The following DCP2 variants were observed in gnomAD, a reference collection of about 807,000 sequenced individuals.
The protein encoded by DCP2 is decapping mRNA 2.
In DCP2, 30 loss-of-function variants were observed where a neutral mutation model predicts 56.1. The observed-to-expected ratio is 0.53, with a 90% CI of 0.40 to 0.73. The LOEUF is 0.73. DCP2 is among the 30% of genes least tolerant of loss of function. The pLI, the probability that DCP2 is intolerant of heterozygous loss-of-function variation, is 0.00. For synonymous variants in DCP2, 197 were observed against 163.3 expected (o/e 1.21, Z -1.57); for missense variants, 533 against 502.7 (o/e 1.06, Z -0.58).
Position 113,021,423 on chromosome 5 carries a change from G to C in DCP2, c.*7939G>C, listed in dbSNP as rs1020426566. Among the ~76,000 whole-genome samples, 2 of 146,916 alleles carry C rather than the reference G, an allele frequency of 1.4e-5. No homozygotes were observed. The highest frequency in any genetic ancestry group is 3.0e-5 in the Non-Finnish European group (2 of 66,932). On this transcript the variant is annotated 3_prime_UTR_variant, in exon 11 of 11. Transcript: ENST00000389063. The stretch of plus-strand genomic sequence containing the variant: ...AAAAAAACCCCCAGGAAGAAATATT[G>C]TCGAGAGTCTCTGCAAAAATGAAAA...
rs146747334 is a variant in DCP2, at chr5:112,986,842, G to C, written c.205+856G>C. On this transcript the variant is annotated intron_variant, in intron 2 of 10. Coordinates refer to ENST00000389063, the MANE Select transcript of DCP2 (RefSeq NM_152624.6). The stretch of plus-strand genomic sequence containing the variant: ...TGGCGAAACCTCATCTCTACCAAAA[G>C]TACAAAAACAGTTACCTGGGCATGG... Among the ~76,000 whole-genome samples the C allele has an allele frequency of 2.6e-4, 40 of 152,090 alleles. No individual in the cohort carries two copies. The East Asian group carries it at 5.8e-3, about 22-fold the overall frequency.
rs1396098435 is a variant in DCP2 at position 113,012,186 on chromosome 5, C to G, written c.1100-1135C>G. Among the ~76,000 whole-genome samples the G allele has an allele frequency of 2.6e-5, 4 of 152,122 alleles. No homozygotes were observed. In the South Asian group the frequency reaches 6.2e-4, roughly 24 times the overall value. On this transcript the variant is annotated intron_variant, in intron 10 of 10. Transcript: ENST00000389063. ...TGCCAGCCTGGGCAACATAGCAAGACTCTTGTCTCTACAAAAATTAAAAAT... is the reference window on the plus strand; with the variant it reads ...TGCCAGCCTGGGCAACATAGCAAGAGTCTTGTCTCTACAAAAATTAAAAAT...
Position 113,013,997 on chromosome 5 carries a change from GCT to G in DCP2, c.*518_*519del, listed in dbSNP as rs1749785079. 6.6e-6 allele frequency: 1 copy of G among 152,408 alleles called. No individual in the cohort carries two copies. The highest frequency in any genetic ancestry group is 2.4e-5 in the African/African-American group (1 of 41,456). The allele number at this position is 152,408 out of a possible 1,614,324, so 9.4% of individuals were successfully genotyped here. A position where few individuals can be genotyped will look rare whatever the true frequency, so the allele number is the denominator to read the frequency against. On this transcript the variant is annotated 3_prime_UTR_variant, in exon 11 of 11. Transcript: ENST00000389063. ...CTTCTCTCTGCTTCTAACCACTGAGGCTCTCTAATCTTCCTCTGGAGTTTTAG... is the reference window on the plus strand; with the variant it reads ...CTTCTCTCTGCTTCTAACCACTGAGGCTCTAATCTTCCTCTGGAGTTTTAG...
intron 1 of DCP2, chr5:112,984,693 A>ATATATATATATATATATATAT (rs1267092599): frequency 2.0e-4 from 15 of 75,652 alleles, no homozygotes; most frequent in African/African-American, 1.0e-3. Context: ...AATTAAAAAA[A>ATATATATATATATATATATAT]AAAAAAAAAA....
At chr5:113,007,483 C>T (rs1580831278) in intron 8 of DCP2, among the ~76,000 whole-genome samples, 1 of 151,744 alleles carries the variant, frequency 6.6e-6, no homozygotes, top group Admixed American at 6.6e-5. Context: ...TGACTGCAAC[C>T]TCCACCTCCT....
rs1189492168 is a variant in DCP2, at chr5:113,020,616, T to A, written c.*7132T>A. The A allele has an allele frequency of 6.6e-6, 1 of 152,240 alleles. No individual in the cohort carries two copies. The highest frequency in any genetic ancestry group is 1.5e-5 in the Non-Finnish European group (1 of 68,040). The allele number at this position is 152,240 out of a possible 1,614,324, so 9.4% of individuals were successfully genotyped here. A position where few individuals can be genotyped will look rare whatever the true frequency, so the allele number is the denominator to read the frequency against. On this transcript the variant is annotated 3_prime_UTR_variant, in exon 11 of 11. Coordinates refer to ENST00000389063, the MANE Select transcript of DCP2 (RefSeq NM_152624.6). ...ACGAAAGGATAAAGACTACCTGTATTGTTGGGTATGACTATCAAAGGATTT... is the reference window on the plus strand; with the variant it reads ...ACGAAAGGATAAAGACTACCTGTATAGTTGGGTATGACTATCAAAGGATTT...
chr5:112,978,160 A>G (rs1747811175), intron 1 of DCP2, among the ~76,000 whole-genome samples: 1 of 152,040 alleles, frequency 6.6e-6, no homozygotes, highest in Non-Finnish European at 1.5e-5. Flanking sequence ...TATTTTTAGT[A>G]GAGACGGGAT....
At chr5:112,999,088 CT>C (rs927062539) in intron 4 of DCP2, among the ~76,000 whole-genome samples, 1 of 152,168 alleles carries the variant, frequency 6.6e-6, no homozygotes, top group Non-Finnish European at 1.5e-5. Flanking sequence ...TTCTTCAGTA[CT>C]TTCTTTTATT....
intron 1 of DCP2, among the ~76,000 whole-genome samples, chr5:112,978,185 C>G (rs961616303): frequency 3.3e-5 from 5 of 152,120 alleles, no homozygotes; most frequent in South Asian, 2.1e-4. Flanking sequence ...CCATCTTGGC[C>G]GTGCTGGTCT....
chr5:112,980,330 TTGC>T (rs950707585), intron 1 of DCP2, among the ~76,000 whole-genome samples: 4 of 152,240 alleles, frequency 2.6e-5, no homozygotes, highest in Non-Finnish European at 5.9e-5. Flanking sequence ...GCAACTAGTG[TTGC>T]TGCTATTTTG....
intron 10 of DCP2, among the ~76,000 whole-genome samples, chr5:113,013,039 A>C (rs1749742810): frequency 1.3e-5 from 2 of 152,220 alleles, no homozygotes; most frequent in Admixed American, 1.3e-4. Context: ...AAGCACATAC[A>C]GGAGGTAAAG....
intron 4 of DCP2, among the ~76,000 whole-genome samples, chr5:112,999,838 A>G (rs1749056884): frequency 1.3e-5 from 2 of 151,342 alleles, no homozygotes; most frequent in Non-Finnish European, 2.9e-5. Context: ...AGGCGGGTGG[A>G]TCACCTGAGG....
In DCP2 at chr5:113,019,584, G is replaced by C. The variant is rs935119785; in HGVS notation, c.*6100G>C. ...CACTTTAGAGTTAGGACAGGAGACAGCTAACCTGACTTCCATTTTACAAAT... is the reference window on the plus strand; with the variant it reads ...CACTTTAGAGTTAGGACAGGAGACACCTAACCTGACTTCCATTTTACAAAT... On this transcript the variant is annotated 3_prime_UTR_variant, in exon 11 of 11. Coordinates refer to ENST00000389063, the MANE Select transcript of DCP2 (RefSeq NM_152624.6). 6.6e-6 allele frequency: 1 copy of C among 152,178 alleles called. No individual in the cohort carries two copies. The highest frequency in any genetic ancestry group is 2.4e-5 in the African/African-American group (1 of 41,438). 9.4% of individuals were successfully genotyped at this position (152,178 alleles called of 1,614,324 possible).
chr5:112,990,793 A>G (rs535746857), intron 2 of DCP2, among the ~76,000 whole-genome samples: 6 of 139,518 alleles, frequency 4.3e-5, no homozygotes, highest in East Asian at 3.9e-4. Context: ...CTGAGGACCT[A>G]TTTCATTTGT....
chr5:113,001,732 T>A, intron 7 of DCP2, 58 bp downstream of exon 7: 1 of 1,500,610 alleles, frequency 6.7e-7, no homozygotes, highest in Non-Finnish European at 9.3e-7. Context: ...AGTGGAATAA[T>A]AGTATTTTGC....
chr5:112,993,897 A>G (rs972155379), intron 4 of DCP2, among the ~76,000 whole-genome samples: 2 of 151,884 alleles, frequency 1.3e-5, no homozygotes, highest in African/African-American at 4.8e-5. Context: ...TACACATACA[A>G]TTATTTTTGG....
chr5:112,996,011 G>C (rs1369237384), intron 4 of DCP2, among the ~76,000 whole-genome samples: 2 of 152,194 alleles, frequency 1.3e-5, no homozygotes, highest in South Asian at 2.1e-4. Flanking sequence ...AGCCCTGTCA[G>C]ATTAGGGCCC....
At position 113,004,060 on chromosome 5, in the gene DCP2, G is replaced by A. The variant is rs778408548; in HGVS notation, c.925G>A (p.Asp309Asn). The A allele has an allele frequency of 1.9e-5, 31 of 1,613,650 alleles. 1 individual carries two copies. The South Asian group carries it at 3.2e-4, about 17-fold the overall frequency. ...KPYNNHSEMS[D>N]LLKGKNQSMR... ...ATATAATAATCATTCTGAAATGTCT[G>A]ACCTTTTAAAAGGAAAGGTGAGTGA... is the stretch of plus-strand genomic sequence containing the variant. The change falls in exon 8 of 11, where the codon GAC (aspartate) becomes AAC (asparagine). Residue 309 changes from aspartate to asparagine, a missense_variant. Coordinates refer to ENST00000389063, the MANE Select transcript of DCP2 (RefSeq NM_152624.6).
intron 4 of DCP2, among the ~76,000 whole-genome samples, chr5:112,996,273 A>G (rs943740909): frequency 6.6e-6 from 1 of 152,240 alleles, no homozygotes. Flanking sequence ...GTTGTAAACC[A>G]GATGGTTATT....
Sources: gnomAD v4.1 joint callset for allele counts (sites outside exome capture counted in the v4.1 genomes callset) on GRCh38, gnomAD v4.1.1 for gene constraint, MANE v1.5 for transcripts, NCBI Gene and HGNC (gene_info 2026-07-23, HGNC 2026-07-21) for gene names.